Variants in HNRNPC observed in about 807,000 individuals in gnomAD.
HNRNPC encodes the protein heterogeneous nuclear ribonucleoproteins C1/C2.
In HNRNPC, 3 loss-of-function variants were observed where a neutral mutation model predicts 33.2. The observed-to-expected ratio is 0.09, with a 90% CI of 0.04 to 0.23. The LOEUF (loss-of-function observed/expected upper bound fraction) is 0.23. HNRNPC is among the 10% of genes least tolerant of loss of function. HNRNPC has a pLI of 1.00. For synonymous variants in HNRNPC, 121 were observed against 126.7 expected, an observed-to-expected ratio of 0.96 and a Z score of 0.30; for missense variants, 143 against 366.7, an observed-to-expected ratio of 0.39 and a Z score of 4.98.
At chr14:21,250,583 C>T (rs1463507106) in intron 2 of HNRNPC, among the ~76,000 whole-genome samples, 1 of 152,054 alleles carries the variant, frequency 6.6e-6, no homozygotes, top group Non-Finnish European at 1.5e-5. Context: ...TTCAGAACAG[C>T]ATATGTATCT....
At chr14:21,260,737 G>A (rs1878092569) in intron 2 of HNRNPC, among the ~76,000 whole-genome samples, 1 of 151,864 alleles carries the variant, frequency 6.6e-6, no homozygotes, top group Non-Finnish European at 1.5e-5. Context: ...GGCCGAGGCG[G>A]GCAGACCATG....
At chr14:21,233,357 A>G (rs556327967) in intron 3 of HNRNPC, among the ~76,000 whole-genome samples, 1 of 152,346 alleles carries the variant, frequency 6.6e-6, no homozygotes, top group Non-Finnish European at 1.5e-5. Context: ...ATATAAATTT[A>G]AAAATAATCA....
At chr14:21,255,109 T>C (rs1471554117) in intron 2 of HNRNPC, among the ~76,000 whole-genome samples, 1 of 152,218 alleles carries the variant, frequency 6.6e-6, no homozygotes. Context: ...CAATGCATTA[T>C]GAATAGTTTA....
intron 5 of HNRNPC, among the ~76,000 whole-genome samples, chr14:21,225,006 A>T (rs1055597519): frequency 6.6e-6 from 1 of 152,172 alleles, no homozygotes; most frequent in Non-Finnish European, 1.5e-5. Flanking sequence ...CCATTGAACT[A>T]AACCAGTCTT....
intron 6 of HNRNPC, among the ~76,000 whole-genome samples, chr14:21,212,672 A>T (rs1475804399): frequency 2.6e-5 from 4 of 151,798 alleles, no homozygotes; most frequent in African/African-American, 9.7e-5. Flanking sequence ...CCTCCCAATT[A>T]GCTGGGATTA....
intron 2 of HNRNPC, among the ~76,000 whole-genome samples, chr14:21,259,742 C>T (rs1877848364): frequency 6.6e-6 from 1 of 151,774 alleles, no homozygotes. Context: ...ATTTTAATAT[C>T]TCCTTTATTA....
At chr14:21,253,461 C>CA (rs71112561) in intron 2 of HNRNPC, among the ~76,000 whole-genome samples, 3,601 of 76,988 alleles carry the variant, frequency 0.047, 157 homozygotes, top group South Asian at 0.066. Context: ...GACTCCATCT[C>CA]AAAAAAAAAA....
intron 5 of HNRNPC, 122 bp from the exon 6 acceptor site, chr14:21,213,239 A>T (rs974225592): frequency 2.0e-5 from 21 of 1,049,150 alleles, no homozygotes; most frequent in Middle Eastern, 2.6e-4. Context: ...ATTAAATTTC[A>T]TTAAGAAGGC....
Position 21,261,157 on chromosome 14 carries a change from GAT to G in HNRNPC, c.-37+2152_-37+2153del, listed in dbSNP as rs1205396277. Among the ~76,000 whole-genome samples the G allele has an allele frequency of 4.6e-5, 7 of 151,910 alleles. No individual in the cohort carries two copies. The South Asian group carries it at 6.2e-4, about 14-fold the overall frequency. Reference sequence around the variant, plus strand: ...AGCTTATTTTGGCATGCTTCTATAGGATATGTGTTTACCTCTCATCATATATG... The same window carrying G: ...AGCTTATTTTGGCATGCTTCTATAGGATGTGTTTACCTCTCATCATATATG... On this transcript the variant is annotated intron_variant, in intron 2 of 8. Coordinates refer to ENST00000553300, the MANE Select transcript of HNRNPC (RefSeq NM_004500.4).
At chr14:21,211,623 A>G in intron 7 of HNRNPC, 57 bp from the exon 8 acceptor site, 1 of 1,548,748 alleles carries the variant, frequency 6.5e-7, no homozygotes, top group Non-Finnish European at 8.8e-7. Flanking sequence ...GGACGTAGAC[A>G]ATCCCCACTA....
At chr14:21,254,941 A>G (rs1377216162) in intron 2 of HNRNPC, among the ~76,000 whole-genome samples, 1 of 151,986 alleles carries the variant, frequency 6.6e-6, no homozygotes, top group Non-Finnish European at 1.5e-5. Context: ...AACAAAAAAA[A>G]AAACCAGAAA....
chr14:21,257,842 T>C (rs1422306014), intron 2 of HNRNPC, among the ~76,000 whole-genome samples: 1 of 152,170 alleles, frequency 6.6e-6, no homozygotes, highest in Non-Finnish European at 1.5e-5. Flanking sequence ...ATTATAGGCA[T>C]AAACTGCTGC....
chr14:21,212,157 C>A lies in HNRNPC; in HGVS notation c.524-234G>T, dbSNP rs529089521. On this transcript the variant is annotated intron_variant, in intron 6 of 8. Coordinates refer to ENST00000553300, the MANE Select transcript of HNRNPC (RefSeq NM_004500.4). ...AGGGCTGTCGCTATGTTGACCAGGC[C>A]TGAGGACAGTGACTATTCACACGTA... 3.9e-5 allele frequency among the ~76,000 whole-genome samples: 6 copies of A among 152,160 alleles called. No homozygotes were observed. In the South Asian group the frequency reaches 1.2e-3, roughly 32 times the overall value.
intron 2 of HNRNPC, among the ~76,000 whole-genome samples, chr14:21,251,092 T>A (rs898158587): frequency 2.0e-5 from 3 of 151,560 alleles, no homozygotes; most frequent in African/African-American, 7.3e-5. Context: ...AAACCCCATC[T>A]CTACTGAAAA....
At chr14:21,222,373 A>C (rs985773153) in intron 5 of HNRNPC, among the ~76,000 whole-genome samples, 1 of 151,644 alleles carries the variant, frequency 6.6e-6, no homozygotes, top group Non-Finnish European at 1.5e-5. Context: ...TCCATGGCAG[A>C]ATTTGTTTTT....
At chr14:21,220,004 T>G (rs897363574) in intron 5 of HNRNPC, among the ~76,000 whole-genome samples, 1 of 152,104 alleles carries the variant, frequency 6.6e-6, no homozygotes, top group Admixed American at 6.6e-5. Context: ...TTTTCATCAC[T>G]CCCATTGCCA....
chr14:21,213,397 G>A, intron 5 of HNRNPC: 1 of 375,800 alleles, frequency 2.7e-6, no homozygotes, highest in Non-Finnish European at 4.9e-6. Flanking sequence ...TTTGGCACTG[G>A]ATATAAATGA....
At chr14:21,222,893 C>CA (rs969954626) in intron 5 of HNRNPC, among the ~76,000 whole-genome samples, 42 of 149,072 alleles carry the variant, frequency 2.8e-4, no homozygotes, top group Admixed American at 4.7e-4. Context: ...GACTCCGTCT[C>CA]AAAAAAAAAC....
chr14:21,245,860 T>A (rs1895925177), intron 2 of HNRNPC, among the ~76,000 whole-genome samples: 1 of 152,160 alleles, frequency 6.6e-6, no homozygotes, highest in South Asian at 2.1e-4. Flanking sequence ...ACTTTTTAGT[T>A]TTTTTTGAGG....
Sources: gnomAD v4.1 joint callset for allele counts (sites outside exome capture counted in the v4.1 genomes callset) on GRCh38, gnomAD v4.1.1 for gene constraint, MANE v1.5 for transcripts, NCBI Gene and HGNC (gene_info 2026-07-23, HGNC 2026-07-21) for gene names.